Variants in APC observed in about 807,000 individuals in gnomAD.
APC encodes adenomatous polyposis coli protein.
Under a neutral mutation model 247.0 loss-of-function variants are expected in APC, and 72 were observed. The ratio of observed to expected loss-of-function variants is 0.29; its 90% CI spans 0.24 to 0.35. The LOEUF (loss-of-function observed/expected upper bound fraction) is 0.35. APC is among the 10% of genes least tolerant of loss of function. The pLI is 1.00. For missense variants in APC, 3,400 were observed against 3,360.7 expected, an observed-to-expected ratio of 1.01 and a Z score of -0.29; for synonymous variants, 1,254 against 1,162.5, an observed-to-expected ratio of 1.08 and a Z score of -1.60.
chr5:112,816,828 T>C (rs898932467), intron 9 of APC, among the ~76,000 whole-genome samples: 1 of 151,996 alleles, frequency 6.6e-6, no homozygotes, highest in Non-Finnish European at 1.5e-5. Flanking sequence ...ATAGTTACTT[T>C]ATTATTTTAA....
chr5:112,781,330 A>T (rs1047834759), intron 6 of APC, among the ~76,000 whole-genome samples: 30 of 152,224 alleles, frequency 2.0e-4, no homozygotes, highest in Admixed American at 1.8e-3. Context: ...TTTAGGAGAG[A>T]TGAAGTAAGT....
intron 14 of APC, among the ~76,000 whole-genome samples, chr5:112,830,431 G>A (rs1176459637): frequency 6.6e-6 from 1 of 152,130 alleles, no homozygotes; most frequent in African/African-American, 2.4e-5. Context: ...TTGAGCAGCT[G>A]GAAATCATGT....
intron 1 of APC, among the ~76,000 whole-genome samples, chr5:112,721,707 A>C (rs1751493018): frequency 6.6e-6 from 1 of 152,134 alleles, no homozygotes; most frequent in Non-Finnish European, 1.5e-5. Flanking sequence ...GGTGTTTAAG[A>C]AAGGAGGAGA....
At chr5:112,765,859 T>C (rs925466347) in intron 2 of APC, among the ~76,000 whole-genome samples, 2 of 152,198 alleles carry the variant, frequency 1.3e-5, no homozygotes, top group East Asian at 3.8e-4. Flanking sequence ...TAGCAGAATA[T>C]ACTTAAATGT....
chr5:112,819,392 T>G (rs771145163), intron 10 of APC, 48 bp downstream of exon 10: 1 of 1,612,678 alleles, frequency 6.2e-7, no homozygotes, highest in Non-Finnish European at 8.5e-7. Flanking sequence ...AAAGCAAATG[T>G]GAAATTTTTA....
chr5:112,821,876 A>G lies in APC; in HGVS notation c.1313-20A>G. On this transcript the variant is annotated intron_variant, in intron 10 of 15. Coordinates refer to ENST00000257430, the MANE Select transcript of APC (RefSeq NM_000038.6). ...TTCAAATAACAAAGCATTATGGTTT[A>G]TGTTGATTTTATTTTTCAGTGCCAG... 2.5e-6 allele frequency: 4 copies of G among 1,569,718 alleles called. No individual in the cohort carries two copies. The highest frequency in any genetic ancestry group is 3.5e-6 in the Non-Finnish European group (4 of 1,140,608).
rs1284154922 is a variant in APC at position 112,822,704 on chromosome 5, C to CT, written c.1408+714dup. ...GAACCATCTCATGTGAACTGGATCT[C>CT]TCTAGTCATGCCACAAGCAAGAACC... On this transcript the variant is annotated intron_variant, in intron 11 of 15. Coordinates refer to ENST00000257430, the MANE Select transcript of APC (RefSeq NM_000038.6). 3.3e-5 allele frequency among the ~76,000 whole-genome samples: 5 copies of CT among 152,256 alleles called. No individual in the cohort carries two copies. In the East Asian group the frequency reaches 9.6e-4, roughly 29 times the overall value.
At chr5:112,712,721 A>C (rs1750929531) in intron 1 of APC, among the ~76,000 whole-genome samples, 1 of 151,940 alleles carries the variant, frequency 6.6e-6, no homozygotes, top group South Asian at 2.1e-4. Context: ...TCTTCCCCCG[A>C]TTTCTCTTTT....
At chr5:112,784,442 T>C (rs1028605179) in intron 6 of APC, among the ~76,000 whole-genome samples, 1 of 152,220 alleles carries the variant, frequency 6.6e-6, no homozygotes, top group African/African-American at 2.4e-5. Flanking sequence ...TTTGCCAAAA[T>C]TAAAATGCCT....
At chr5:112,785,990 TA>T (rs1020554257) in intron 6 of APC, among the ~76,000 whole-genome samples, 5 of 152,184 alleles carry the variant, frequency 3.3e-5, no homozygotes, top group Admixed American at 1.3e-4. Flanking sequence ...GCACAAAAGA[TA>T]AATTAGAAAA....
intron 8 of APC, among the ~76,000 whole-genome samples, chr5:112,809,349 A>C (rs575222056): frequency 6.6e-6 from 1 of 152,230 alleles, no homozygotes; most frequent in South Asian, 2.1e-4. Context: ...ACCCTGTCTC[A>C]AAAAAATAAA....
chr5:112,761,233 G>C (rs945858781), intron 2 of APC, among the ~76,000 whole-genome samples: 2 of 152,144 alleles, frequency 1.3e-5, no homozygotes, highest in African/African-American at 4.8e-5. Context: ...TGTATACACA[G>C]TTGGCATACA....
upstream of APC, among the ~76,000 whole-genome samples, chr5:112,737,329 TC>T (rs1315833161): frequency 3.9e-5 from 6 of 152,310 alleles, no homozygotes; most frequent in South Asian, 1.0e-3. Flanking sequence ...AACCCAGACT[TC>T]CAGAGTTCTG....
intron 2 of APC, among the ~76,000 whole-genome samples, chr5:112,763,286 C>T (rs1196863689): frequency 6.6e-6 from 1 of 151,382 alleles, no homozygotes; most frequent in African/African-American, 2.4e-5. Flanking sequence ...TAAAAGTAAC[C>T]TTTGATAGTA....
chr5:112,808,261 A>G (rs1761624352), intron 8 of APC, among the ~76,000 whole-genome samples: 1 of 152,226 alleles, frequency 6.6e-6, no homozygotes, highest in East Asian at 1.9e-4. Context: ...TCAGTATTCA[A>G]ACTTGCAGTT....
intron 1 of APC, among the ~76,000 whole-genome samples, chr5:112,747,454 C>T (rs1202399159): frequency 6.6e-6 from 1 of 152,178 alleles, no homozygotes; most frequent in African/African-American, 2.4e-5. Context: ...TTTATTACTA[C>T]TTTCAGTTAT....
chr5:112,797,591 C>G (rs2149700492), intron 7 of APC, among the ~76,000 whole-genome samples: 1 of 152,286 alleles, frequency 6.6e-6, no homozygotes, highest in South Asian at 2.1e-4. Context: ...CTGTGACTTT[C>G]TTGTGTGTTC....
chr5:112,754,772 T>G, intron 1 of APC, 101 bp from the exon 2 acceptor site: 3 of 1,113,770 alleles, frequency 2.7e-6, no homozygotes, highest in Non-Finnish European at 4.0e-6. Context: ...CAATTCTTCT[T>G]AAACGTCTTA....
intron 9 of APC, 108 bp from the exon 10 acceptor site, chr5:112,818,843 TTGGCGGGGGGGGTTG>T: frequency 3.3e-6 from 3 of 910,654 alleles, no homozygotes; most frequent in Non-Finnish European, 3.3e-6. Context: ...TGTTTTTTTT[TTGGCGGGGGGGGTTG>T]TTTTGTTTTT....
Sources: allele counts gnomAD v4.1 joint callset (sites outside exome capture counted in the v4.1 genomes callset), GRCh38; gene constraint gnomAD v4.1.1; transcripts MANE v1.5; gene names NCBI Gene and HGNC (gene_info 2026-07-23, HGNC 2026-07-21).